The following CADM2 variants were observed in gnomAD, a reference collection of about 807,000 sequenced individuals.
CADM2 encodes immunoglobulin superfamily member 4D.
Under a neutral mutation model 49.8 loss-of-function variants are expected in CADM2, and 12 were observed. The observed-to-expected ratio is 0.24, with a 90% confidence interval of 0.15 to 0.39. The LOEUF (loss-of-function observed/expected upper bound fraction) is 0.39. Ranked by LOEUF, CADM2 falls within the 10% of genes least tolerant of loss-of-function variation. CADM2 has a pLI of 1.00. For synonymous variants in CADM2, 214 were observed against 175.4 expected (o/e 1.22, Z -1.74); for missense variants, 378 against 492.3 (o/e 0.77, Z 2.20).
intron 1 of CADM2, among the ~76,000 whole-genome samples, chr3:85,068,105 G>T (rs2036588811): frequency 6.6e-6 from 1 of 152,116 alleles, no homozygotes; most frequent in East Asian, 1.9e-4. Context: ...TTTTAACGCA[G>T]ACTTTAGAGA....
rs189269247 is a variant in CADM2 at position 86,045,579 on chromosome 3, T to A, written c.971-20026T>A. 2.0e-3 allele frequency among the ~76,000 whole-genome samples: 305 copies of A among 152,292 alleles called. 2 individuals are homozygous for A. The highest frequency in any genetic ancestry group is 1.8e-3 in the Non-Finnish European group (122 of 68,028). On this transcript the variant is annotated intron_variant, in intron 8 of 9. Transcript: ENST00000383699. Reference sequence around the variant, plus strand: ...TTTAAACCGCCCTTCTCCCATTGTTTCAGCAGAACTTGTTTTTAGCTGTTT... The same window carrying A: ...TTTAAACCGCCCTTCTCCCATTGTTACAGCAGAACTTGTTTTTAGCTGTTT...
At chr3:85,349,998 ACT>A (rs150293125) in intron 1 of CADM2, among the ~76,000 whole-genome samples, 2,200 of 152,208 alleles carry the variant, frequency 0.014, 58 homozygotes, top group African/African-American at 0.05. Context: ...TTTCAGGAAG[ACT>A]CTATAATGAA....
At chr3:85,824,769 G>A (rs2073810810) in intron 3 of CADM2, among the ~76,000 whole-genome samples, 1 of 152,012 alleles carries the variant, frequency 6.6e-6, no homozygotes, top group South Asian at 2.1e-4. Flanking sequence ...TATGGAGCAA[G>A]GTCAGGTACT....
At chr3:85,422,444 A>AT (rs1348962531) in intron 1 of CADM2, among the ~76,000 whole-genome samples, 4 of 151,770 alleles carry the variant, frequency 2.6e-5, no homozygotes, top group African/African-American at 9.7e-5. Flanking sequence ...CGCCCGGCTA[A>AT]TTTTTTGTAT....
Position 85,613,481 on chromosome 3 carries a change from T to C in CADM2, c.62-113041T>C, listed in dbSNP as rs150745450. ...CAAAACCACAGCATCCAGGTTTTCA[T>C]AAAGGACTGTCAGGTTAATAGACAC... On this transcript the variant is annotated intron_variant, in intron 1 of 9. Coordinates refer to ENST00000383699, the MANE Select transcript of CADM2 (RefSeq NM_001167675.2). Among the ~76,000 whole-genome samples the C allele has an allele frequency of 1.1e-3, 172 of 151,826 alleles. 1 individual carries two copies. Among genetic ancestry groups the C allele is most frequent in the African/African-American group, 4.0e-3 (165 of 41,534 alleles).
intron 1 of CADM2, among the ~76,000 whole-genome samples, chr3:85,004,786 A>C (rs1487762645): frequency 6.6e-6 from 1 of 152,158 alleles, no homozygotes; most frequent in Non-Finnish European, 1.5e-5. Flanking sequence ...GTTTGATTTT[A>C]TTTTAATGTA....
chr3:85,997,776 C>G (rs1259407932), intron 8 of CADM2, among the ~76,000 whole-genome samples: 1 of 152,112 alleles, frequency 6.6e-6, no homozygotes, highest in African/African-American at 2.4e-5. Context: ...AACACACCAT[C>G]TAGAAATGCA....
chr3:85,988,846 A>G (rs1290891183), intron 8 of CADM2, among the ~76,000 whole-genome samples: 2 of 152,196 alleles, frequency 1.3e-5, no homozygotes, highest in East Asian at 3.9e-4. Flanking sequence ...ACTGACTGGT[A>G]AGCAAAGAAG....
intron 1 of CADM2, among the ~76,000 whole-genome samples, chr3:85,171,637 TTTTGTTCTTA>T (rs990949078): frequency 4.6e-5 from 7 of 152,182 alleles, no homozygotes; most frequent in African/African-American, 1.7e-4. Flanking sequence ...ATTGTCTATA[TTTTGTTCTTA>T]TTTGTTCTTT....
chr3:85,521,480 T>G (rs996910582), intron 1 of CADM2, among the ~76,000 whole-genome samples: 1 of 152,200 alleles, frequency 6.6e-6, no homozygotes. Flanking sequence ...CTTTGTTTAC[T>G]GAAACAGCAC....
chr3:85,492,361 G>A (rs1003781260), intron 1 of CADM2, among the ~76,000 whole-genome samples: 7 of 152,092 alleles, frequency 4.6e-5, no homozygotes, highest in Non-Finnish European at 1.0e-4. Flanking sequence ...GGAGGCTGAG[G>A]TGTGAGGACC....
At chr3:85,029,805 C>A (rs951305866) in intron 1 of CADM2, among the ~76,000 whole-genome samples, 9 of 152,188 alleles carry the variant, frequency 5.9e-5, no homozygotes, top group African/African-American at 1.9e-4. Context: ...CAAACTGAAT[C>A]TTCACCTTGT....
chr3:85,303,422 T>C (rs954087068), intron 1 of CADM2, among the ~76,000 whole-genome samples: 3 of 151,906 alleles, frequency 2.0e-5, no homozygotes, highest in Admixed American at 6.6e-5. Context: ...AACTGTCTGA[T>C]AGAATTGCAT....
chr3:85,292,309 A>G (rs1264011931), intron 1 of CADM2, among the ~76,000 whole-genome samples: 1 of 150,490 alleles, frequency 6.6e-6, no homozygotes, highest in Non-Finnish European at 1.5e-5. Flanking sequence ...GTGACCTACA[A>G]AGAGACTTAG....
At chr3:86,059,749 A>T (rs1057124388) in intron 8 of CADM2, among the ~76,000 whole-genome samples, 3 of 152,160 alleles carry the variant, frequency 2.0e-5, no homozygotes, top group Non-Finnish European at 4.4e-5. Context: ...ATTGCCATTG[A>T]AATTTAGCCA....
At position 85,153,608 on chromosome 3, in the gene CADM2, G is replaced by A. The variant is rs1575993979; in HGVS notation, c.61+193940G>A. On this transcript the variant is annotated intron_variant, in intron 1 of 9. Transcript: ENST00000383699. ...CACCACAGCTCAAGGAGGCCTGCCT[G>A]CCTCTGTAGGCTCCATCTCTGGGGG... 2.0e-5 allele frequency among the ~76,000 whole-genome samples: 3 copies of A among 152,296 alleles called. 1 individual carries two copies. The East Asian group carries it at 5.8e-4, about 30-fold the overall frequency.
chr3:85,073,947 G>A (rs144343713), intron 1 of CADM2, among the ~76,000 whole-genome samples: 97 of 151,998 alleles, frequency 6.4e-4, no homozygotes, highest in Middle Eastern at 3.4e-3. Context: ...CAAGAATAAC[G>A]TGTATCCATA....
At chr3:85,334,246 G>A (rs1026419804) in intron 1 of CADM2, among the ~76,000 whole-genome samples, 1 of 151,462 alleles carries the variant, frequency 6.6e-6, no homozygotes, top group East Asian at 1.9e-4. Flanking sequence ...TATCAAAACT[G>A]CCTCAGGTAG....
intron 1 of CADM2, among the ~76,000 whole-genome samples, chr3:85,483,492 ATTGAC>A (rs2107631833): frequency 1.3e-5 from 2 of 151,130 alleles, no homozygotes; most frequent in African/African-American, 4.8e-5. Flanking sequence ...AACTTTGAGA[ATTGAC>A]TTAATTATAT....
Sources: allele counts gnomAD v4.1 joint callset (sites outside exome capture counted in the v4.1 genomes callset), GRCh38; gene constraint gnomAD v4.1.1; transcripts MANE v1.5; gene names NCBI Gene and HGNC (gene_info 2026-07-23, HGNC 2026-07-21).